RNF169: variants seen among roughly 807,000 people sequenced by gnomAD.
The protein encoded by RNF169 is E3 ubiquitin-protein ligase RNF169.
A neutral mutation model predicts 53.9 loss-of-function variants in RNF169; 24 were observed. The observed-to-expected ratio is 0.45, with a 90% CI of 0.32 to 0.63. The LOEUF (loss-of-function observed/expected upper bound fraction) is 0.63, where lower values mean the gene tolerates loss of function less well. Ranked by LOEUF, RNF169 falls within the 20% of genes least tolerant of loss-of-function variation. The pLI is 0.04. For missense variants in RNF169, 883 were observed against 906.2 expected (o/e 0.97, Z 0.33); for synonymous variants, 396 against 363.5 (o/e 1.09, Z -1.02).
intron 2 of RNF169, among the ~76,000 whole-genome samples, chr11:74,806,939 T>A (rs2035814876): frequency 6.6e-6 from 1 of 152,134 alleles, no homozygotes; most frequent in South Asian, 2.1e-4. Flanking sequence ...ATTTAAAAAA[T>A]TTTAGTTTTA....
At chr11:74,789,484 T>C in intron 1 of RNF169, 142 bp from the exon 2 acceptor site, 1 of 509,118 alleles carries the variant, frequency 2.0e-6, no homozygotes, top group South Asian at 3.4e-5. Context: ...TCTACCTTTT[T>C]GATAGTATTT....
At chr11:74,776,861 G>A (rs116668031) in intron 1 of RNF169, among the ~76,000 whole-genome samples, 3,759 of 152,270 alleles carry the variant, frequency 0.025, 166 homozygotes, top group African/African-American at 0.086. Context: ...TAGGAATAGG[G>A]AGATGTGTAA....
intron 1 of RNF169, among the ~76,000 whole-genome samples, chr11:74,756,605 G>C (rs975468913): frequency 1.1e-4 from 17 of 152,178 alleles, no homozygotes; most frequent in African/African-American, 4.1e-4. Context: ...CCAGACATTT[G>C]ACCATCAGTA....
chr11:74,749,328 G>A lies in RNF169; in HGVS notation c.448G>A (p.Ala150Thr). 1 of 1,203,580 alleles carries A rather than the reference G, an allele frequency of 8.3e-7. No homozygotes were observed. Among genetic ancestry groups the A allele is most frequent in the Non-Finnish European group, 1.0e-6 (1 of 970,524 alleles). 74.6% of individuals were successfully genotyped at this position (1,203,580 alleles called of 1,614,324 possible). A position where few individuals can be genotyped will look rare whatever the true frequency, so the allele number is the denominator to read the frequency against. Residue 150 changes from alanine to threonine, a missense_variant, in exon 1 of 6, where the codon GCT becomes ACT. Around this residue, in one of 3 missense-constraint regions of RNF169, gnomAD observed 313 missense variants for 279.9 expected, o/e 1.12. Coordinates refer to ENST00000299563, the MANE Select transcript of RNF169 (RefSeq NM_001098638.2). ...RCRPRRDGGA[A>T]AAGPRPEQEP... is the part of the protein sequence containing the mutation. Reference sequence around the variant, plus strand: ...CCGCCCGCGCCGGGACGGGGGCGCGGCTGCCGCGGGGCCCAGGCCAGAGCA... The same window carrying A: ...CCGCCCGCGCCGGGACGGGGGCGCGACTGCCGCGGGGCCCAGGCCAGAGCA...
chr11:74,757,063 T>C (rs367903412), intron 1 of RNF169, among the ~76,000 whole-genome samples: 2,191 of 147,090 alleles, frequency 0.015, 31 homozygotes, highest in Middle Eastern at 0.038. Context: ...TAGTTACATA[T>C]GTATACATGT....
In RNF169 at chr11:74,841,662, C is replaced by G. The variant is rs1180984451; in HGVS notation, c.*4932C>G. The G allele has an allele frequency of 6.6e-6, 1 of 152,232 alleles. No homozygotes were observed. Among genetic ancestry groups the G allele is most frequent in the East Asian group, 1.9e-4 (1 of 5,198 alleles). 9.4% of individuals were successfully genotyped at this position (152,232 alleles called of 1,614,324 possible). On this transcript the variant is annotated 3_prime_UTR_variant, in exon 6 of 6. Coordinates refer to ENST00000299563, the MANE Select transcript of RNF169 (RefSeq NM_001098638.2). ...AACTCTAAGCAGACTCCCTCTCTCC[C>G]TTTCTGGTGTCTTAAATCAAGAACT... is the stretch of plus-strand genomic sequence containing the variant.
intron 1 of RNF169, among the ~76,000 whole-genome samples, chr11:74,750,289 CTGTT>C (rs1294813522): frequency 6.6e-6 from 1 of 152,118 alleles, no homozygotes; most frequent in African/African-American, 2.4e-5. Context: ...ATCTGCAGCT[CTGTT>C]TGATAAAAAA....
chr11:74,752,137 C>T (rs2034905094), intron 1 of RNF169, among the ~76,000 whole-genome samples: 2 of 139,858 alleles, frequency 1.4e-5, no homozygotes, highest in Admixed American at 8.0e-5. Context: ...GAGACTGAGA[C>T]AGGAGAATCT....
intron 3 of RNF169, among the ~76,000 whole-genome samples, chr11:74,816,787 G>A (rs187477232): frequency 1.3e-4 from 20 of 152,312 alleles, no homozygotes; most frequent in Non-Finnish European, 2.2e-4. Context: ...CCATGTGTGG[G>A]AACTGGTAGG....
At chr11:74,825,236 G>A (rs987627024) in intron 4 of RNF169, among the ~76,000 whole-genome samples, 1 of 152,076 alleles carries the variant, frequency 6.6e-6, no homozygotes, top group African/African-American at 2.4e-5. Context: ...TATTTTAAAA[G>A]GTTGAAATAA....
chr11:74,796,564 C>CT (rs1313229214), intron 2 of RNF169, among the ~76,000 whole-genome samples: 1 of 152,114 alleles, frequency 6.6e-6, no homozygotes, highest in Non-Finnish European at 1.5e-5. Flanking sequence ...AGATGCTTAA[C>CT]TTTGACTTCA....
At chr11:74,816,202 C>T (rs980593735) in intron 3 of RNF169, among the ~76,000 whole-genome samples, 6 of 152,204 alleles carry the variant, frequency 3.9e-5, no homozygotes, top group African/African-American at 1.4e-4. Flanking sequence ...GTGCCTACAT[C>T]TACAACTCTT....
At chr11:74,829,791 T>C (rs1372915824) in intron 4 of RNF169, among the ~76,000 whole-genome samples, 1 of 151,992 alleles carries the variant, frequency 6.6e-6, no homozygotes, top group Admixed American at 6.6e-5. Context: ...GGGAGCCGAA[T>C]GATGAGAACT....
At chr11:74,769,673 A>G (rs1465455447) in intron 1 of RNF169, among the ~76,000 whole-genome samples, 1 of 152,218 alleles carries the variant, frequency 6.6e-6, no homozygotes, top group Admixed American at 6.5e-5. Context: ...AATACTTGCA[A>G]AAGGAAAAGT....
chr11:74,815,410 G>A (rs1250042503), intron 3 of RNF169, among the ~76,000 whole-genome samples: 2 of 151,992 alleles, frequency 1.3e-5, no homozygotes, highest in Non-Finnish European at 2.9e-5. Flanking sequence ...AGAAAAATTA[G>A]CCGGGTGTGA....
At position 74,749,389 on chromosome 11, in the gene RNF169, C is replaced by T; in HGVS notation, c.502+7C>T. 1 of 1,247,330 alleles carries T rather than the reference C, an allele frequency of 8.0e-7. No individual in the cohort carries two copies. Among genetic ancestry groups the T allele is most frequent in the Non-Finnish European group, 1.0e-6 (1 of 992,192 alleles). 77.3% of individuals were successfully genotyped at this position (1,247,330 alleles called of 1,614,324 possible). A position where few individuals can be genotyped will look rare whatever the true frequency, so the allele number is the denominator to read the frequency against. ...GCCGCGCCTGCGGAGCCAGGTGGAGCTTCCCCACTTCCCCTTAGGGTCTGG... is the reference window on the plus strand; with the variant it reads ...GCCGCGCCTGCGGAGCCAGGTGGAGTTTCCCCACTTCCCCTTAGGGTCTGG... On this transcript the variant is annotated splice_region_variant and intron_variant, in intron 1 of 5. Coordinates refer to ENST00000299563, the MANE Select transcript of RNF169 (RefSeq NM_001098638.2).
intron 2 of RNF169, among the ~76,000 whole-genome samples, chr11:74,803,630 A>T (rs1269051745): frequency 6.6e-6 from 1 of 152,206 alleles, no homozygotes; most frequent in East Asian, 1.9e-4. Flanking sequence ...AAGCCCATCA[A>T]TTATTTTAAT....
chr11:74,797,121 G>A (rs901141304), intron 2 of RNF169, among the ~76,000 whole-genome samples: 1 of 152,206 alleles, frequency 6.6e-6, no homozygotes, highest in African/African-American at 2.4e-5. Context: ...AGACTAGTCA[G>A]ATATAGTCAA....
intron 1 of RNF169, among the ~76,000 whole-genome samples, chr11:74,753,842 G>A (rs2034939073): frequency 6.6e-6 from 1 of 152,054 alleles, no homozygotes; most frequent in Non-Finnish European, 1.5e-5. Flanking sequence ...TTCTTTGCCT[G>A]CTTTTTTGGC....
Sources: allele counts gnomAD v4.1 joint callset (sites outside exome capture counted in the v4.1 genomes callset), GRCh38; gene constraint gnomAD v4.1.1; regional missense constraint gnomAD v4.1.1; transcripts MANE v1.5; gene names NCBI Gene and HGNC (gene_info 2026-07-23, HGNC 2026-07-21).